Variants in AHCYL2 observed in about 807,000 individuals in gnomAD.
The protein encoded by AHCYL2 is adenosylhomocysteinase like 2.
Under a neutral mutation model 81.4 loss-of-function variants are expected in AHCYL2, and 28 were observed. The ratio of observed to expected loss-of-function variants is 0.34; its 90% CI spans 0.25 to 0.47. The LOEUF is 0.47. AHCYL2 is among the 20% of genes least tolerant of loss of function. AHCYL2 has a pLI of 1.00. For synonymous variants in AHCYL2, 272 were observed against 290.2 expected, an observed-to-expected ratio of 0.94 and a Z score of 0.64; for missense variants, 551 against 785.1, an observed-to-expected ratio of 0.70 and a Z score of 3.56.
chr7:129,420,477 C>G (rs201924710), intron 12 of AHCYL2, among the ~76,000 whole-genome samples: 3 of 126,838 alleles, frequency 2.4e-5, no homozygotes, highest in African/African-American at 8.7e-5. Flanking sequence ...TGCTTAAATT[C>G]TTTTTTTTTT....
At chr7:129,405,924 A>C in intron 9 of AHCYL2, 25 bp downstream of exon 9, 1 of 1,605,454 alleles carries the variant, frequency 6.2e-7, no homozygotes, top group Non-Finnish European at 8.5e-7. Flanking sequence ...TTTGTTTATT[A>C]GGTGTTTTAA....
chr7:129,306,503 T>C (rs1039870657), intron 1 of AHCYL2, among the ~76,000 whole-genome samples: 2 of 152,212 alleles, frequency 1.3e-5, no homozygotes, highest in Non-Finnish European at 2.9e-5. Flanking sequence ...TCTTATGTCA[T>C]CTCGAATTTC....
intron 1 of AHCYL2, among the ~76,000 whole-genome samples, chr7:129,248,933 C>T (rs1022910369): frequency 6.6e-6 from 1 of 150,544 alleles, no homozygotes; most frequent in East Asian, 1.9e-4. Context: ...TTGTTTATTG[C>T]TAGCATAAAC....
chr7:129,295,196 A>T (rs1009458273), intron 1 of AHCYL2, among the ~76,000 whole-genome samples: 2 of 152,228 alleles, frequency 1.3e-5, no homozygotes, highest in Admixed American at 1.3e-4. Flanking sequence ...CTGGTTTCAT[A>T]ATAGAGTAGA....
intron 1 of AHCYL2, among the ~76,000 whole-genome samples, chr7:129,352,937 C>CTTTTTTTTTTTTTTTTTT (rs59762582): frequency 1.2e-5 from 1 of 82,558 alleles, no homozygotes; most frequent in Non-Finnish European, 2.2e-5. Flanking sequence ...CCTCCTCATT[C>CTTTTTTTTTTTTTTTTTT]TTTTTTTTTT....
At chr7:129,293,284 T>G (rs560613515) in intron 1 of AHCYL2, among the ~76,000 whole-genome samples, 49 of 152,320 alleles carry the variant, frequency 3.2e-4, no homozygotes, top group Non-Finnish European at 5.9e-4. Context: ...GTTGTTGGTT[T>G]TCCAAGACTA....
chr7:129,370,127 G>A (rs1794310745), intron 1 of AHCYL2, among the ~76,000 whole-genome samples: 1 of 152,158 alleles, frequency 6.6e-6, no homozygotes, highest in South Asian at 2.1e-4. Context: ...TGCCAACTCA[G>A]AATCAATCAA....
chr7:129,308,208 T>G (rs1015668867), intron 1 of AHCYL2, among the ~76,000 whole-genome samples: 2 of 152,256 alleles, frequency 1.3e-5, no homozygotes, highest in East Asian at 3.9e-4. Context: ...CTTTCAAGTT[T>G]ACTTAGAACC....
chr7:129,276,398 A>G (rs944411319), intron 1 of AHCYL2, among the ~76,000 whole-genome samples: 4 of 151,074 alleles, frequency 2.6e-5, no homozygotes, highest in Admixed American at 2.0e-4. Flanking sequence ...TTAAAAAGAA[A>G]TGAATAAAAA....
At chr7:129,337,812 T>G (rs1448583818) in intron 1 of AHCYL2, among the ~76,000 whole-genome samples, 2 of 152,136 alleles carry the variant, frequency 1.3e-5, no homozygotes, top group Admixed American at 1.3e-4. Flanking sequence ...GGCACAATCC[T>G]GGCTCACTGC....
At chr7:129,237,126 A>G (rs1257190533) in intron 1 of AHCYL2, among the ~76,000 whole-genome samples, 11 of 152,030 alleles carry the variant, frequency 7.2e-5, no homozygotes, top group Admixed American at 7.2e-4. Context: ...TGGATTTACC[A>G]GTTTTTTTCC....
At chr7:129,397,186 C>T in intron 4 of AHCYL2, 36 bp from the exon 5 acceptor site, 3 of 1,562,544 alleles carry the variant, frequency 1.9e-6, no homozygotes, top group Non-Finnish European at 2.6e-6. Context: ...TTGTTTGGCC[C>T]AGGCTTGCTC....
intron 1 of AHCYL2, among the ~76,000 whole-genome samples, chr7:129,299,362 C>A (rs1797168668): frequency 8.7e-6 from 1 of 114,646 alleles, no homozygotes; most frequent in African/African-American, 3.2e-5. Context: ...GTGGGAGAGT[C>A]CAACTTGTTT....
At chr7:129,383,621 C>A (rs894143610) in intron 2 of AHCYL2, among the ~76,000 whole-genome samples, 2 of 152,184 alleles carry the variant, frequency 1.3e-5, no homozygotes, top group African/African-American at 4.8e-5. Context: ...TTCCCAATCT[C>A]ACTCTTAGGT....
At chr7:129,249,607 A>G in intron 1 of AHCYL2, among the ~76,000 whole-genome samples, 1 of 151,566 alleles carries the variant, frequency 6.6e-6, no homozygotes, top group Non-Finnish European at 1.5e-5. Flanking sequence ...TTGTATTTTT[A>G]GTAGAGACGG....
chr7:129,300,083 G>C (rs376556821), intron 1 of AHCYL2, among the ~76,000 whole-genome samples: 1 of 152,086 alleles, frequency 6.6e-6, no homozygotes, highest in African/African-American at 2.4e-5. Flanking sequence ...CATATGTTGC[G>C]CAATAATTAC....
chr7:129,399,946 G>C (rs1758391536), intron 5 of AHCYL2, among the ~76,000 whole-genome samples: 1 of 152,062 alleles, frequency 6.6e-6, no homozygotes, highest in African/African-American at 2.4e-5. Context: ...GGCTGGCCTT[G>C]AACTCCTAAC....
intron 1 of AHCYL2, 86 bp downstream of exon 1, chr7:129,225,525 C>G: frequency 7.1e-7 from 1 of 1,405,604 alleles, no homozygotes; most frequent in Non-Finnish European, 9.2e-7. Context: ...CCACCCTCCA[C>G]GCCCTCCTTT....
At chr7:129,379,859 A>C (rs996131386) in intron 2 of AHCYL2, 110 bp downstream of exon 2, 10 of 752,404 alleles carry the variant, frequency 1.3e-5, no homozygotes, top group Non-Finnish European at 2.0e-5. Context: ...TGTGCTTTGA[A>C]TAAATACTTC....
Sources: gnomAD v4.1 joint callset for allele counts (sites outside exome capture counted in the v4.1 genomes callset) on GRCh38, gnomAD v4.1.1 for gene constraint, MANE v1.5 for transcripts, NCBI Gene and HGNC (gene_info 2026-07-23, HGNC 2026-07-21) for gene names.